ZNF713: variants seen among roughly 807,000 people sequenced by gnomAD.
ZNF713 encodes the protein zinc finger protein 713.
ZNF713 carries 21 observed loss-of-function variants against 28.7 expected under a neutral mutation model. That is an observed-to-expected ratio of 0.73 (90% CI 0.52 to 1.05). The LOEUF (loss-of-function observed/expected upper bound fraction) is 1.05. Ranked by LOEUF, ZNF713 falls within the 50% of genes least tolerant of loss-of-function variation. The probability of loss-of-function intolerance (pLI) is 0.00; values close to 1 mark genes in which losing one functional copy is unlikely to be tolerated. For synonymous variants in ZNF713, 167 were observed against 178.0 expected (o/e 0.94, Z 0.49); for missense variants, 458 against 532.4 (o/e 0.86, Z 1.37).
At position 55,939,374 on chromosome 7, in the gene ZNF713, C is replaced by G. The variant is rs1786417948; in HGVS notation, c.700C>G (p.Pro234Ala). The G allele has an allele frequency of 1.9e-6, 3 of 1,613,800 alleles. No homozygotes were observed. The Admixed American group carries it at 5.0e-5, about 27-fold the overall frequency. The change falls in exon 7 of 7, where the codon CCC becomes GCC. Residue 234 changes from proline (P) to alanine (A), a missense_variant. Coordinates refer to ENST00000429591, the MANE Select transcript of ZNF713 (RefSeq NM_182633.3). The stretch of plus-strand genomic sequence containing the variant: ...TCAGGGAAATTATGTAAGAGAGACT[C>G]CCTATGAATATAGTGAGTGTGGAAA... ...YYQGNYVRET[P>A]YEYSECGKIF...
chr7:55,912,122 T>A (rs1436123804), intron 3 of ZNF713, 54 bp downstream of exon 3: 1 of 152,490 alleles, frequency 6.6e-6, no homozygotes, highest in Non-Finnish European at 1.5e-5. Context: ...ATTGGAAGGA[T>A]CACCTTAGGG....
At chr7:55,932,551 T>C (rs1170915046) in intron 6 of ZNF713, among the ~76,000 whole-genome samples, 4 of 148,404 alleles carry the variant, frequency 2.7e-5, no homozygotes, top group African/African-American at 7.5e-5. Context: ...AAATCTAATA[T>C]ATGTTTGGCC....
At chr7:55,921,957 G>A (rs188866905) in intron 4 of ZNF713, among the ~76,000 whole-genome samples, 109 of 152,140 alleles carry the variant, frequency 7.2e-4, no homozygotes, top group Admixed American at 1.3e-3. Flanking sequence ...ACAGAGTCTC[G>A]CTGTGTCGCC....
chr7:55,937,405 G>A (rs541117427), intron 6 of ZNF713, among the ~76,000 whole-genome samples: 1 of 152,282 alleles, frequency 6.6e-6, no homozygotes, highest in South Asian at 2.1e-4. Context: ...CAAGAGAGTA[G>A]AGGCAGAGAG....
chr7:55,894,791 A>T (rs752611457), intron 1 of ZNF713, among the ~76,000 whole-genome samples: 1 of 152,222 alleles, frequency 6.6e-6, no homozygotes, highest in Non-Finnish European at 1.5e-5. Flanking sequence ...GCAAAGGAAT[A>T]TATTATGAAT....
intron 4 of ZNF713, 103 bp downstream of exon 4, chr7:55,912,826 C>G: frequency 1.1e-6 from 1 of 875,548 alleles, no homozygotes; most frequent in Admixed American, 2.2e-5. Flanking sequence ...AATCCAGAGC[C>G]CAGGAGATTC....
At chr7:55,938,219 C>CA (rs966929786) in intron 6 of ZNF713, among the ~76,000 whole-genome samples, 6 of 151,192 alleles carry the variant, frequency 4.0e-5, no homozygotes, top group South Asian at 2.1e-4. Context: ...CTCAAAAAAA[C>CA]AAAAAAAAGA....
At chr7:55,889,103 AT>A (rs34452146) in intron 1 of ZNF713, among the ~76,000 whole-genome samples, 192 of 143,922 alleles carry the variant, frequency 1.3e-3, no homozygotes, top group Middle Eastern at 3.5e-3. Context: ...TCATATAATG[AT>A]TTTTTTTTTT....
At chr7:55,916,075 G>A (rs1038384620) in intron 4 of ZNF713, among the ~76,000 whole-genome samples, 3 of 152,122 alleles carry the variant, frequency 2.0e-5, no homozygotes, top group African/African-American at 4.8e-5. Context: ...AGCAAAGGAA[G>A]AAAAAAGATG....
chr7:55,899,431 G>A lies in ZNF713; in HGVS notation c.-582-6822G>A, dbSNP rs1196586139. 8.4e-4 allele frequency among the ~76,000 whole-genome samples: 7 copies of A among 8,320 alleles called. No homozygotes were observed. The South Asian group carries it at 0.031, about 36-fold the overall frequency. The allele number at this position is 8,320 out of a possible 152,430, so 5.5% of individuals were successfully genotyped here. A position where few individuals can be genotyped will look rare whatever the true frequency, so the allele number is the denominator to read the frequency against. On this transcript the variant is annotated intron_variant, in intron 1 of 6. Transcript: ENST00000429591. ...TGTAATCCCAGCACTTTGGGAGGCCGAGGGGGGGGGGGGGGTTGATCACAA... is the reference window on the plus strand; with the variant it reads ...TGTAATCCCAGCACTTTGGGAGGCCAAGGGGGGGGGGGGGGTTGATCACAA...
Position 55,940,150 on chromosome 7 carries a change from TCTCA to T in ZNF713, c.*148_*151del. The T allele has an allele frequency of 7.5e-7, 1 of 1,332,968 alleles. No homozygotes were observed. Among genetic ancestry groups the T allele is most frequent in the Non-Finnish European group, 9.8e-7 (1 of 1,017,110 alleles). 82.6% of individuals were successfully genotyped at this position (1,332,968 alleles called of 1,614,324 possible). On this transcript the variant is annotated 3_prime_UTR_variant, in exon 7 of 7. Transcript: ENST00000429591. ...GTTTTGTTTTGTTTTTGAGACTGAG[TCTCA>T]CTCTGTCACCCAGGCTGAAGTGCAG...
At chr7:55,901,450 A>T (rs889513769) in intron 1 of ZNF713, among the ~76,000 whole-genome samples, 2 of 152,246 alleles carry the variant, frequency 1.3e-5, no homozygotes, top group Non-Finnish European at 2.9e-5. Context: ...AACCACATCA[A>T]CTATGTAAAT....
chr7:55,900,774 A>T (rs1444827801), intron 1 of ZNF713, among the ~76,000 whole-genome samples: 2 of 152,228 alleles, frequency 1.3e-5, no homozygotes, highest in Non-Finnish European at 2.9e-5. Context: ...GTGATCTATT[A>T]CACAGAATGA....
intron 6 of ZNF713, among the ~76,000 whole-genome samples, chr7:55,933,703 T>C (rs1014617003): frequency 1.3e-5 from 2 of 152,064 alleles, no homozygotes; most frequent in Non-Finnish European, 1.5e-5. Flanking sequence ...TTTGTTTTGT[T>C]TTTGTCGTTG....
intron 6 of ZNF713, among the ~76,000 whole-genome samples, chr7:55,932,266 C>A (rs1346640469): frequency 2.0e-5 from 3 of 151,478 alleles, no homozygotes; most frequent in African/African-American, 4.9e-5. Flanking sequence ...TGGTGGCTTA[C>A]GCCTGTAATT....
intron 4 of ZNF713, 80 bp from the exon 5 acceptor site, chr7:55,923,082 G>T (rs1786023491): frequency 1.4e-6 from 2 of 1,477,066 alleles, no homozygotes; most frequent in Non-Finnish European, 1.8e-6. Flanking sequence ...AGATAACCTG[G>T]TGCTACACTT....
At chr7:55,891,064 G>A (rs967310293) in intron 1 of ZNF713, among the ~76,000 whole-genome samples, 2 of 151,478 alleles carry the variant, frequency 1.3e-5, no homozygotes, top group African/African-American at 4.9e-5. Context: ...ACAATTCCTA[G>A]CATAGATTAA....
At chr7:55,938,693 T>C (rs577810289) in intron 6 of ZNF713, among the ~76,000 whole-genome samples, 3 of 152,318 alleles carry the variant, frequency 2.0e-5, no homozygotes, top group Non-Finnish European at 4.4e-5. Flanking sequence ...CCCTGATATG[T>C]CTTATTCTCC....
At position 55,939,782 on chromosome 7, in the gene ZNF713, T is replaced by G. The variant is rs777090222; in HGVS notation, c.1108T>G (p.Tyr370Asp). The G allele has an allele frequency of 3.7e-6, 6 of 1,614,144 alleles. No individual in the cohort carries two copies. In the South Asian group the frequency reaches 5.5e-5, roughly 15 times the overall value. Residue 370 changes from tyrosine to aspartate, a missense_variant, in exon 7 of 7, where the codon TAC becomes GAC. By Grantham distance (160) the Tyr-to-Asp change is radical (BLOSUM62 -3). Coordinates refer to ENST00000429591, the MANE Select transcript of ZNF713 (RefSeq NM_182633.3). ...TAGACTTCATACCGGAGAGAAACCT[T>G]ACGAATGTGGTTTCTGTGGCAAAGC... ...HHRLHTGEKP[Y>D]ECGFCGKAFS...
Sources: gnomAD v4.1 joint callset for allele counts (sites outside exome capture counted in the v4.1 genomes callset) on GRCh38, gnomAD v4.1.1 for gene constraint, MANE v1.5 for transcripts, NCBI Gene and HGNC (gene_info 2026-07-23, HGNC 2026-07-21) for gene names.